Variants in TACC2 observed in about 807,000 individuals in gnomAD.
The protein encoded by TACC2 is transforming acidic coiled-coil containing protein 2, also known as transforming acidic coiled-coil-containing protein 2.
TACC2 carries 137 observed loss-of-function variants against 227.3 expected under a neutral mutation model. That is an observed-to-expected ratio of 0.60 (90% CI 0.52 to 0.69). The LOEUF is 0.69. Ranked by LOEUF, TACC2 falls within the 30% of genes least tolerant of loss-of-function variation. The probability of loss-of-function intolerance (pLI) is 0.00; values close to 1 mark genes in which losing one functional copy is unlikely to be tolerated. For missense variants in TACC2, 3,470 were observed against 3,694.4 expected, an observed-to-expected ratio of 0.94 and a Z score of 1.57; for synonymous variants, 1,523 against 1,487.5, an observed-to-expected ratio of 1.02 and a Z score of -0.55.
intron 18 of TACC2, among the ~76,000 whole-genome samples, chr10:122,240,442 C>T (rs1234694748): frequency 6.6e-6 from 1 of 152,198 alleles, no homozygotes; most frequent in East Asian, 1.9e-4. Context: ...GTTGAGCAGC[C>T]AAGGGCAGGC....
At position 122,073,126 on chromosome 10, in the gene TACC2, A is replaced by AAT. The variant is rs1167084872; in HGVS notation, c.147-9495_147-9494dup. 4.1e-3 allele frequency among the ~76,000 whole-genome samples: 288 copies of AAT among 70,964 alleles called. 7 individuals carry two copies. The highest frequency in any genetic ancestry group is 1.0e-2 in the African/African-American group (161 of 16,158). The allele number at this position is 70,964 out of a possible 152,430, so 46.6% of individuals were successfully genotyped here. A position where few individuals can be genotyped will look rare whatever the true frequency, so the allele number is the denominator to read the frequency against. ...TGTCTCAAAAAAAAAAAAAAAAAAA[A>AAT]ATATATATATATATATATATATATA... On this transcript the variant is annotated intron_variant, in intron 3 of 22. Coordinates refer to ENST00000369005, the MANE Select transcript of TACC2 (RefSeq NM_206862.4).
chr10:122,046,891 T>G lies in TACC2; in HGVS notation c.34-3547T>G, dbSNP rs181633737. Among the ~76,000 whole-genome samples, 27 of 152,220 alleles carry G rather than the reference T, an allele frequency of 1.8e-4. No homozygotes were observed. The East Asian group carries it at 5.2e-3, about 29-fold the overall frequency. On this transcript the variant is annotated intron_variant, in intron 2 of 22. Transcript: ENST00000369005. Reference sequence around the variant, plus strand: ...AGACAAGTAGGAATTGGGTTAAAATTTCAAAAATGCAGGACCCTGATATAA... The same window carrying G: ...AGACAAGTAGGAATTGGGTTAAAATGTCAAAAATGCAGGACCCTGATATAA...
chr10:122,104,481 G>A (rs1168234993), intron 5 of TACC2, among the ~76,000 whole-genome samples: 1 of 151,982 alleles, frequency 6.6e-6, no homozygotes, highest in East Asian at 1.9e-4. Flanking sequence ...TGATTCTCCT[G>A]CCTCAACCTC....
intron 6 of TACC2, among the ~76,000 whole-genome samples, chr10:122,139,840 TGG>T (rs1013172894): frequency 1.3e-5 from 2 of 152,184 alleles, no homozygotes; most frequent in Non-Finnish European, 2.9e-5. Flanking sequence ...GCCTGCACCT[TGG>T]GGGCTGTTAT....
chr10:122,228,095 C>A, intron 14 of TACC2, 87 bp downstream of exon 14: 2 of 1,386,010 alleles, frequency 1.4e-6, no homozygotes, highest in Non-Finnish European at 2.0e-6. Context: ...GCCTTCAGAG[C>A]AACACTCACC....
Position 122,132,608 on chromosome 10 carries a change from G to T in TACC2, c.5574-1G>T. 1 of 1,614,174 alleles carries T rather than the reference G, an allele frequency of 6.2e-7. No homozygotes were observed. The highest frequency in any genetic ancestry group is 8.5e-7 in the Non-Finnish European group (1 of 1,180,016). On this transcript the variant is annotated splice_acceptor_variant, in intron 5 of 22. Coordinates refer to ENST00000369005, the MANE Select transcript of TACC2 (RefSeq NM_206862.4). LOFTEE classifies it high-confidence loss of function. ...AGGTTCTTTCCCTTTTCTCTCCCCA[G>T]TTCACCTGTGGCAGATGATATCATC...
chr10:122,192,449 G>A (rs1306771330), intron 7 of TACC2: 1 of 330,076 alleles, frequency 3.0e-6, no homozygotes, highest in Admixed American at 3.8e-5. Context: ...GCTGTCGCCA[G>A]TGCCCAGGAA....
chr10:122,085,094 T>A lies in TACC2; in HGVS notation c.2594T>A (p.Phe865Tyr). 6.2e-7 allele frequency: 1 copy of A among 1,614,008 alleles called. No homozygotes were observed. Among genetic ancestry groups the A allele is most frequent in the African/African-American group, 1.3e-5 (1 of 74,986 alleles). ...GKETSPSHPG[F>Y]KDQGADSSQI... ...GAGACTTCTCCAAGCCATCCAGGTT[T>A]TAAGGACCAGGGAGCAGATTCTTCC... The change falls in exon 4 of 23, where the codon TTT (phenylalanine) becomes TAT (tyrosine). Residue 865 changes from phenylalanine (F) to tyrosine (Y), a missense_variant. Physicochemically the swap from Phe to Tyr is conservative, Grantham distance 22. Around this residue, in one of 10 missense-constraint regions of TACC2, gnomAD observed 1,924 missense variants for 1,978.3 expected, o/e 0.97. Transcript: ENST00000369005.
chr10:122,246,835 A>G (rs1286472365), intron 19 of TACC2: 1 of 150,808 alleles, frequency 6.6e-6, no homozygotes, highest in Admixed American at 6.6e-5. Flanking sequence ...ACACGTGCAC[A>G]CATGTGTGCA....
chr10:122,105,821 C>T (rs2082699026), intron 5 of TACC2, among the ~76,000 whole-genome samples: 2 of 151,278 alleles, frequency 1.3e-5, no homozygotes, highest in Non-Finnish European at 2.9e-5. Flanking sequence ...TGGGGTTTCA[C>T]CACGTTGGCC....
Position 122,086,638 on chromosome 10 carries a change from C to A in TACC2, c.4138C>A (p.Pro1380Thr). 6.2e-7 allele frequency: 1 copy of A among 1,603,034 alleles called. No individual in the cohort carries two copies. Among genetic ancestry groups the A allele is most frequent in the South Asian group, 1.1e-5 (1 of 88,484 alleles). The change falls in exon 4 of 23, where the codon CCT becomes ACT. Residue 1380 changes from proline (P) to threonine (T), a missense_variant. By Grantham distance (38) the Pro-to-Thr change is conservative. Coordinates refer to ENST00000369005, the MANE Select transcript of TACC2 (RefSeq NM_206862.4). Reference sequence around the variant, plus strand: ...GGGCAGCATGGAGAGGATGGGAGAGCCTTCCCAGGACCCAAAGCAGGGCAC... The same window carrying A: ...GGGCAGCATGGAGAGGATGGGAGAGACTTCCCAGGACCCAAAGCAGGGCAC... ...TEGSMERMGE[P>T]SQDPKQGTSG...
chr10:122,144,957 C>T (rs537611544), intron 7 of TACC2, among the ~76,000 whole-genome samples: 1 of 152,282 alleles, frequency 6.6e-6, no homozygotes, highest in South Asian at 2.1e-4. Context: ...TATGGGAGGT[C>T]TGCTTTTCTG....
chr10:122,230,796 G>GT (rs538233090), intron 16 of TACC2, among the ~76,000 whole-genome samples: 1,601 of 148,942 alleles, frequency 0.011, 13 homozygotes, highest in South Asian at 0.017. Context: ...ACCTTTGAGG[G>GT]TTTTTTTTTT....
chr10:122,204,827 C>CAA (rs565625713), intron 8 of TACC2, among the ~76,000 whole-genome samples: 52 of 134,914 alleles, frequency 3.9e-4, no homozygotes, highest in African/African-American at 1.2e-3. Flanking sequence ...CCTGGCTCTT[C>CAA]AAAAAAAAAA....
chr10:121,998,138 G>A (rs374705671), intron 1 of TACC2, among the ~76,000 whole-genome samples: 5 of 151,798 alleles, frequency 3.3e-5, no homozygotes, highest in Admixed American at 1.3e-4. Context: ...GGTGAAACCC[G>A]TCTCTACTAA....
At chr10:122,133,007 T>G (rs1294235500) in intron 6 of TACC2, among the ~76,000 whole-genome samples, 1 of 151,986 alleles carries the variant, frequency 6.6e-6, no homozygotes, top group African/African-American at 2.4e-5. Context: ...TTTACAGACT[T>G]TTTTCCTATG....
At chr10:122,191,579 C>G (rs1424161250) in intron 7 of TACC2, among the ~76,000 whole-genome samples, 2 of 152,114 alleles carry the variant, frequency 1.3e-5, no homozygotes, top group East Asian at 1.9e-4. Context: ...TATGTTGGGC[C>G]GCATTCAAAG....
intron 7 of TACC2, among the ~76,000 whole-genome samples, chr10:122,172,179 C>G (rs773750681): frequency 1.3e-5 from 2 of 152,170 alleles, no homozygotes; most frequent in African/African-American, 4.8e-5. Flanking sequence ...AGGGATATGA[C>G]CCATGACTCC....
intron 3 of TACC2, among the ~76,000 whole-genome samples, chr10:122,063,948 G>C (rs2077120029): frequency 6.6e-6 from 1 of 151,862 alleles, no homozygotes. Context: ...GATCACTTGA[G>C]GTCAGGAGTT....
Sources: gnomAD v4.1 joint callset for allele counts (sites outside exome capture counted in the v4.1 genomes callset) on GRCh38, gnomAD v4.1.1 for gene constraint, gnomAD v4.1.1 regional missense constraint, MANE v1.5 for transcripts, NCBI Gene and HGNC (gene_info 2026-07-23, HGNC 2026-07-21) for gene names.